Variants in ZNF571 observed in about 807,000 individuals in gnomAD.
ZNF571 encodes zinc finger protein 571.
In ZNF571, 4 loss-of-function variants were observed where a neutral mutation model predicts 7.7. That is an observed-to-expected ratio of 0.52 (90% CI 0.25 to 1.18). The LOEUF is 1.18. Among genes scored for constraint, ZNF571 ranks in the 50% most tolerant of loss-of-function variants. The probability of loss-of-function intolerance (pLI) is 0.14; values close to 1 mark genes in which losing one functional copy is unlikely to be tolerated. For synonymous variants in ZNF571, 251 were observed against 232.4 expected (o/e 1.08, Z -0.73); for missense variants, 704 against 726.9 (o/e 0.97, Z 0.36).
chr19:37,567,058 A>C (rs960263205), intron 3 of ZNF571, among the ~76,000 whole-genome samples: 1 of 152,274 alleles, frequency 6.6e-6, no homozygotes, highest in East Asian at 1.9e-4. Flanking sequence ...TTTTGTCTTT[A>C]GAATGCCCTT....
chr19:37,565,590 C>G lies in ZNF571; in HGVS notation c.838G>C (p.Glu280Gln). Residue 280 changes from glutamate to glutamine, a missense_variant, in exon 4 of 4, where the codon GAA becomes CAA. Glu to Gln is a conservative substitution (Grantham distance 29). Transcript: ENST00000451802. ...AAGGCCTTCCCACAATCCTTACATT[C>G]ATAGGGTTTTTCACCACTATGAATT... Reference protein sequence around the residue: ...QRIHSGEKPYECKDCGKAFIL... With the variant: ...QRIHSGEKPYQCKDCGKAFIL... 1.9e-6 allele frequency: 3 copies of G among 1,613,442 alleles called. No homozygotes were observed. Among genetic ancestry groups the G allele is most frequent in the Non-Finnish European group, 8.5e-7 (1 of 1,179,822 alleles).
intron 2 of ZNF571, among the ~76,000 whole-genome samples, chr19:37,584,695 G>A (rs2043599629): frequency 6.6e-6 from 1 of 152,120 alleles, no homozygotes; most frequent in Non-Finnish European, 1.5e-5. Context: ...GGGCGCGGTG[G>A]CTCACGCTTG....
chr19:37,589,792 G>A lies in ZNF571; in HGVS notation c.-69-3047C>T, dbSNP rs527995153. Among the ~76,000 whole-genome samples, 20 of 141,670 alleles carry A rather than the reference G, an allele frequency of 1.4e-4. No individual in the cohort carries two copies. In the East Asian group the frequency reaches 4.4e-3, roughly 31 times the overall value. 92.9% of individuals were successfully genotyped at this position (141,670 alleles called of 152,430 possible). On this transcript the variant is annotated intron_variant, in intron 1 of 3. Coordinates refer to ENST00000451802, the MANE Select transcript of ZNF571 (RefSeq NM_016536.5). The stretch of plus-strand genomic sequence containing the variant: ...GAGGCAAAGAATTGCTTGAACCCGG[G>A]AGTTGGAGGTTACAGTGAGCCAAGA...
intron 3 of ZNF571, among the ~76,000 whole-genome samples, chr19:37,580,384 T>C (rs2043412003): frequency 6.6e-6 from 1 of 152,282 alleles, no homozygotes; most frequent in South Asian, 2.1e-4. Context: ...ACACTCAACC[T>C]GAGCCAAAAT....
In ZNF571 at chr19:37,564,374, A is replaced by C. The variant is rs2042773414; in HGVS notation, c.*224T>G. ...ATAGGATTTCAGTTAGGATATGGTG[A>C]AATGGAGATGATGCTTAATAAAGGA... is the stretch of plus-strand genomic sequence containing the variant. On this transcript the variant is annotated 3_prime_UTR_variant, in exon 4 of 4. Transcript: ENST00000451802. The C allele has an allele frequency of 1.1e-5, 4 of 377,564 alleles. No homozygotes were observed. The South Asian group carries it at 3.9e-4, about 37-fold the overall frequency. 23.4% of individuals were successfully genotyped at this position (377,564 alleles called of 1,614,324 possible).
Position 37,564,515 on chromosome 19 carries a change from G to A in ZNF571, c.*83C>T. 1.5e-6 allele frequency: 2 copies of A among 1,309,900 alleles called. No homozygotes were observed. The highest frequency in any genetic ancestry group is 2.5e-5 in the East Asian group (1 of 40,312). The allele number at this position is 1,309,900 out of a possible 1,614,324, so 81.1% of individuals were successfully genotyped here. A position where few individuals can be genotyped will look rare whatever the true frequency, so the allele number is the denominator to read the frequency against. ...GGCCTTCTAAGAATGAGCAGATTCTGAGCAGAAGCAAGATGTTCTACATTC... is the reference window on the plus strand; with the variant it reads ...GGCCTTCTAAGAATGAGCAGATTCTAAGCAGAAGCAAGATGTTCTACATTC... On this transcript the variant is annotated 3_prime_UTR_variant, in exon 4 of 4. Coordinates refer to ENST00000451802, the MANE Select transcript of ZNF571 (RefSeq NM_016536.5).
At chr19:37,593,233 A>C (rs1256357044) in intron 1 of ZNF571, among the ~76,000 whole-genome samples, 1 of 152,198 alleles carries the variant, frequency 6.6e-6, no homozygotes, top group Non-Finnish European at 1.5e-5. Flanking sequence ...GAAATACTAT[A>C]GGAAAAAACG....
At chr19:37,590,725 TG>T (rs1049825340) in intron 1 of ZNF571, among the ~76,000 whole-genome samples, 1 of 152,172 alleles carries the variant, frequency 6.6e-6, no homozygotes, top group African/African-American at 2.4e-5. Flanking sequence ...CTATTATTTT[TG>T]CAACTTCTCT....
At position 37,564,825 on chromosome 19, in the gene ZNF571, ACT is replaced by A; in HGVS notation, c.1601_1602del (p.Gln534LeufsTer13). ...HRGEKPYECKQCGKAFIRGSH... is the reference protein window; with the variant it reads ...HRGEKPYECKXCGKAFIRGSH... ...GAGCCACGAATAAAAGCCTTCCCAC[ACT>A]GTTTACATTCATAAGGTTTTTCACC... is the stretch of plus-strand genomic sequence containing the variant. On this transcript the variant is annotated frameshift_variant, in exon 4 of 4. Transcript: ENST00000451802. LOFTEE classifies it low-confidence loss of function (END_TRUNC). The A allele has an allele frequency of 6.2e-7, 1 of 1,613,872 alleles. No homozygotes were observed. Among genetic ancestry groups the A allele is most frequent in the Non-Finnish European group, 8.5e-7 (1 of 1,179,906 alleles).
chr19:37,592,153 G>C (rs1281910144), intron 1 of ZNF571, among the ~76,000 whole-genome samples: 2 of 152,098 alleles, frequency 1.3e-5, no homozygotes, highest in African/African-American at 4.8e-5. Context: ...AGCTACTCGG[G>C]AGGTTGAGGC....
chr19:37,589,200 C>CAAAAAAAAAAAAAAAAAAA (rs35689698), intron 1 of ZNF571, among the ~76,000 whole-genome samples: 1 of 108,904 alleles, frequency 9.2e-6, no homozygotes, highest in Non-Finnish European at 1.8e-5. Flanking sequence ...AACTCCGTCT[C>CAAAAAAAAAAAAAAAAAAA]AAAAAAAAAA....
chr19:37,566,569 A>C, intron 3 of ZNF571: 1 of 285,830 alleles, frequency 3.5e-6, no homozygotes. Flanking sequence ...AATAGTAATA[A>C]AAACACCCTC....
intron 3 of ZNF571, among the ~76,000 whole-genome samples, chr19:37,579,411 A>C (rs1600505977): frequency 6.6e-6 from 1 of 152,196 alleles, no homozygotes. Context: ...CCATTCACAC[A>C]GGCCCTGTGG....
chr19:37,585,519 A>AGACT, intron 2 of ZNF571: 1 of 152,348 alleles, frequency 6.6e-6, no homozygotes, highest in East Asian at 1.9e-4. Context: ...CAATGACCTG[A>AGACT]GACTGCACAT....
At chr19:37,573,291 C>T (rs1006061803) in intron 3 of ZNF571, among the ~76,000 whole-genome samples, 3 of 152,140 alleles carry the variant, frequency 2.0e-5, no homozygotes, top group South Asian at 2.1e-4. Flanking sequence ...CTATTATTAA[C>T]GGCATGATTG....
At chr19:37,582,008 A>C (rs755711686) in intron 3 of ZNF571, among the ~76,000 whole-genome samples, 1 of 152,148 alleles carries the variant, frequency 6.6e-6, no homozygotes, top group Non-Finnish European at 1.5e-5. Flanking sequence ...AGTTGAAATA[A>C]TACTGCATAT....
At position 37,564,690 on chromosome 19, in the gene ZNF571, G is replaced by A. The variant is rs747980204; in HGVS notation, c.1738C>T (p.His580Tyr). The change falls in exon 4 of 4, where the codon CAT becomes TAT. Residue 580 changes from histidine to tyrosine, a missense_variant. Physicochemically the swap from His to Tyr is moderately conservative, Grantham distance 83. Transcript: ENST00000451802. The part of the protein sequence containing the change: ...GSELTLHQRI[H>Y]TGEKPYTCVQ... ...CATGTATAGGGTTTCTCACCAGTAT[G>A]GATCCTTTGATGCAGAGTAAGTTCT... 2 of 1,613,524 alleles carry A rather than the reference G, an allele frequency of 1.2e-6. No homozygotes were observed. The highest frequency in any genetic ancestry group is 2.2e-5 in the South Asian group (2 of 91,066).
chr19:37,573,668 C>CAAA (rs55763844), intron 3 of ZNF571, among the ~76,000 whole-genome samples: 2 of 88,130 alleles, frequency 2.3e-5, no homozygotes, highest in Admixed American at 1.2e-4. Flanking sequence ...CTTGTGTCTA[C>CAAA]AAAAAAAAAA....
At chr19:37,568,969 T>A (rs1440701044) in intron 3 of ZNF571, among the ~76,000 whole-genome samples, 1 of 152,070 alleles carries the variant, frequency 6.6e-6, no homozygotes, top group Non-Finnish European at 1.5e-5. Context: ...CATCTTTTTT[T>A]TTTTTGAGAT....
Sources: allele counts gnomAD v4.1 joint callset (sites outside exome capture counted in the v4.1 genomes callset), GRCh38; gene constraint gnomAD v4.1.1; transcripts MANE v1.5; gene names NCBI Gene and HGNC (gene_info 2026-07-23, HGNC 2026-07-21).